METTL15: variants seen among roughly 807,000 people sequenced by gnomAD.
METTL15 encodes the protein methyltransferase 15, mitochondrial 12S rRNA N4-cytidine, also known as 12S rRNA N(4)-cytidine methyltransferase METTL15.
Under a neutral mutation model 38.3 loss-of-function variants are expected in METTL15, and 34 were observed. That is an observed-to-expected ratio of 0.89 (90% CI 0.68 to 1.18). The LOEUF is 1.18. Among genes scored for constraint, METTL15 ranks in the 50% most tolerant of loss-of-function variants. The pLI is 0.00. For synonymous variants in METTL15, 162 were observed against 170.9 expected, an observed-to-expected ratio of 0.95 and a Z score of 0.41; for missense variants, 438 against 498.4, an observed-to-expected ratio of 0.88 and a Z score of 1.15.
intron 5 of METTL15, among the ~76,000 whole-genome samples, chr11:28,365,154 C>G (rs1409457848): frequency 6.6e-6 from 1 of 152,062 alleles, no homozygotes; most frequent in East Asian, 1.9e-4. Flanking sequence ...TTCATTGTGT[C>G]TCTGCCATGT....
At chr11:28,235,714 A>G (rs77766925) in intron 4 of METTL15, among the ~76,000 whole-genome samples, 29,778 of 151,670 alleles carry the variant, frequency 0.2, 3,262 homozygotes, top group Non-Finnish European at 0.25. Flanking sequence ...GGGCTGAGAC[A>G]ATGGGGTTTT....
intron 5 of METTL15, among the ~76,000 whole-genome samples, chr11:28,364,388 G>A (rs1482065228): frequency 1.3e-5 from 2 of 152,020 alleles, no homozygotes; most frequent in Non-Finnish European, 2.9e-5. Flanking sequence ...CCTTGTAGAG[G>A]TCTTTTACTT....
At chr11:28,526,894 A>G (rs1323583359) in exon 8 of METTL15, 1 of 152,268 alleles carries the variant, frequency 6.6e-6, no homozygotes, top group African/African-American at 2.4e-5. Context: ...GATGAAAATT[A>G]AATGTGTAAA....
At chr11:28,452,255 A>G (rs1851129440) in intron 6 of METTL15, among the ~76,000 whole-genome samples, 2 of 152,164 alleles carry the variant, frequency 1.3e-5, no homozygotes, top group South Asian at 4.1e-4. Context: ...AAGAAACATT[A>G]TATTCTGGTT....
At chr11:28,262,004 A>T (rs1855224026) in intron 4 of METTL15, among the ~76,000 whole-genome samples, 1 of 152,160 alleles carries the variant, frequency 6.6e-6, no homozygotes, top group Non-Finnish European at 1.5e-5. Flanking sequence ...GCAGAGCCAG[A>T]ATCTAAACCA....
intron 5 of METTL15, among the ~76,000 whole-genome samples, chr11:28,381,886 G>C (rs917154807): frequency 1.3e-5 from 2 of 151,660 alleles, no homozygotes; most frequent in African/African-American, 4.8e-5. Flanking sequence ...TGTCCACTTG[G>C]GAAGGTCAAA....
chr11:28,260,380 T>G (rs1016820702), intron 4 of METTL15, among the ~76,000 whole-genome samples: 1 of 152,172 alleles, frequency 6.6e-6, no homozygotes, highest in African/African-American at 2.4e-5. Flanking sequence ...TCTCCTCCAT[T>G]TACCATATTT....
chr11:28,194,370 T>A (rs913828010), intron 3 of METTL15, among the ~76,000 whole-genome samples: 1 of 151,760 alleles, frequency 6.6e-6, no homozygotes, highest in Admixed American at 6.6e-5. Flanking sequence ...GGCTAATTTT[T>A]TGTATTTTTA....
At chr11:28,233,045 A>T (rs551965488) in intron 4 of METTL15, among the ~76,000 whole-genome samples, 17 of 151,874 alleles carry the variant, frequency 1.1e-4, no homozygotes, top group South Asian at 4.1e-4. Context: ...ATTAGCCTTT[A>T]TTTTTTTTAA....
At chr11:28,349,069 C>T (rs1039685661) in intron 3 of METTL15, among the ~76,000 whole-genome samples, 9 of 152,112 alleles carry the variant, frequency 5.9e-5, no homozygotes, top group African/African-American at 2.2e-4. Flanking sequence ...AGCTAGGAAC[C>T]ACATACATTT....
intron 4 of METTL15, among the ~76,000 whole-genome samples, chr11:28,214,073 C>G (rs760751790): frequency 3.3e-5 from 5 of 152,050 alleles, no homozygotes; most frequent in Non-Finnish European, 7.4e-5. Flanking sequence ...GACAAGTTTT[C>G]ACTCTGTTGC....
In METTL15 at chr11:28,153,955, A is replaced by G. The variant is rs1345231919; in HGVS notation, c.270+40351A>G. On this transcript the variant is annotated intron_variant, in intron 3 of 6. Coordinates refer to ENST00000407364, the MANE Select transcript of METTL15 (RefSeq NM_001113528.2). The stretch of plus-strand genomic sequence containing the variant: ...TGGTTTAAAATTTGAGCCTCTGTTA[A>G]TCTCTATAAATTGACTCATTTACAT... 2.6e-5 allele frequency among the ~76,000 whole-genome samples: 4 copies of G among 152,230 alleles called. No homozygotes were observed. The East Asian group carries it at 7.7e-4, about 29-fold the overall frequency.
At chr11:28,220,014 G>A (rs1391059086) in intron 4 of METTL15, among the ~76,000 whole-genome samples, 1 of 152,164 alleles carries the variant, frequency 6.6e-6, no homozygotes, top group African/African-American at 2.4e-5. Flanking sequence ...GTGCGATGTG[G>A]TGCTGAGAAG....
chr11:28,273,820 G>T (rs1855739915), intron 4 of METTL15, among the ~76,000 whole-genome samples: 1 of 151,968 alleles, frequency 6.6e-6, no homozygotes, highest in Admixed American at 6.6e-5. Context: ...AAATCTCACA[G>T]ACCAAAAAGG....
At chr11:28,201,945 G>A (rs958300272) in intron 3 of METTL15, among the ~76,000 whole-genome samples, 1 of 152,078 alleles carries the variant, frequency 6.6e-6, no homozygotes, top group Admixed American at 6.6e-5. Flanking sequence ...ATTTTTGAGA[G>A]TAGTGGGAGA....
chr11:28,303,011 A>G (rs1856963080), intron 6 of METTL15, among the ~76,000 whole-genome samples: 1 of 152,144 alleles, frequency 6.6e-6, no homozygotes, highest in Non-Finnish European at 1.5e-5. Context: ...TATTTGATGT[A>G]TTGATGTTTT....
intron 3 of METTL15, among the ~76,000 whole-genome samples, chr11:28,345,657 T>C (rs1849989952): frequency 6.6e-6 from 1 of 152,232 alleles, no homozygotes; most frequent in African/African-American, 2.4e-5. Flanking sequence ...AGAAGCTGCA[T>C]CTTTTCATTC....
intron 4 of METTL15, among the ~76,000 whole-genome samples, chr11:28,279,297 C>T (rs538120698): frequency 7.6e-4 from 115 of 152,088 alleles, no homozygotes; most frequent in East Asian, 6.8e-3. Context: ...TACTAACATT[C>T]GAATTGTGTC....
At chr11:28,431,800 A>G (rs1271887877) in intron 6 of METTL15, among the ~76,000 whole-genome samples, 1 of 23,092 alleles carries the variant, frequency 4.3e-5, no homozygotes, top group Non-Finnish European at 1.2e-4. Flanking sequence ...TAAAAAAAAA[A>G]AAAAAAAGAA....
Sources: allele counts gnomAD v4.1 joint callset (sites outside exome capture counted in the v4.1 genomes callset), GRCh38; gene constraint gnomAD v4.1.1; transcripts MANE v1.5; gene names NCBI Gene and HGNC (gene_info 2026-07-23, HGNC 2026-07-21).